Variants in PDZD2 observed in about 807,000 individuals in gnomAD.
PDZD2 encodes the protein PDZ domain-containing protein 2.
In PDZD2, 90 loss-of-function variants were observed where a neutral mutation model predicts 220.7. That is an observed-to-expected ratio of 0.41 (90% CI 0.34 to 0.49). PDZD2 has a LOEUF of 0.49. Ranked by LOEUF, PDZD2 falls within the 20% of genes least tolerant of loss-of-function variation. The pLI, the probability that PDZD2 is intolerant of heterozygous loss-of-function variation, is 0.28. For synonymous variants in PDZD2, 1,375 were observed against 1,450.5 expected (o/e 0.95, Z 1.18); for missense variants, 3,174 against 3,608.5 (o/e 0.88, Z 3.08).
chr5:31,930,274 C>G (rs1384862861), intron 2 of PDZD2, among the ~76,000 whole-genome samples: 1 of 144,460 alleles, frequency 6.9e-6, no homozygotes, highest in Non-Finnish European at 1.5e-5. Context: ...GGCATGATCT[C>G]CGCTTACTGC....
chr5:31,822,139 G>C (rs576687431), intron 2 of PDZD2, among the ~76,000 whole-genome samples: 58 of 152,142 alleles, frequency 3.8e-4, no homozygotes, highest in Admixed American at 7.9e-4. Context: ...ATTGTAAATA[G>C]TGCTGCAATA....
intron 2 of PDZD2, among the ~76,000 whole-genome samples, chr5:31,866,606 A>G (rs1429360567): frequency 6.6e-6 from 1 of 152,168 alleles, no homozygotes. Context: ...AAAAGAAGAG[A>G]AAGGGAAGAC....
intron 2 of PDZD2, among the ~76,000 whole-genome samples, chr5:31,964,290 A>C (rs1222563647): frequency 1.3e-5 from 2 of 152,208 alleles, no homozygotes; most frequent in Non-Finnish European, 2.9e-5. Context: ...ATCTGAGTCC[A>C]TTATCCCATT....
At chr5:32,060,788 A>G (rs1460980356) in intron 13 of PDZD2, among the ~76,000 whole-genome samples, 2 of 152,228 alleles carry the variant, frequency 1.3e-5, no homozygotes, top group African/African-American at 4.8e-5. Context: ...TGAAAATGCC[A>G]GTAAATATGC....
intron 2 of PDZD2, chr5:31,840,874 A>G: frequency 1.5e-6 from 1 of 689,156 alleles, no homozygotes; most frequent in Non-Finnish European, 2.6e-6. Context: ...CCTTTCTTAT[A>G]GATTCACATA....
At chr5:31,914,661 G>T (rs1054344212) in intron 2 of PDZD2, among the ~76,000 whole-genome samples, 2 of 152,192 alleles carry the variant, frequency 1.3e-5, no homozygotes, top group African/African-American at 2.4e-5. Flanking sequence ...GTGAGAAAGG[G>T]TACTCCAATG....
At chr5:32,043,197 C>T (rs368134165) in intron 7 of PDZD2, among the ~76,000 whole-genome samples, 13 of 152,208 alleles carry the variant, frequency 8.5e-5, no homozygotes, top group Admixed American at 4.6e-4. Context: ...GACTCTGCTC[C>T]TACTACTTAA....
intron 2 of PDZD2, among the ~76,000 whole-genome samples, chr5:31,872,662 G>C (rs143279117): frequency 1.3e-3 from 202 of 152,242 alleles, no homozygotes; most frequent in African/African-American, 4.7e-3. Flanking sequence ...TTTAGTTGTG[G>C]AGAAACCATG....
At chr5:31,640,628 A>G (rs1255361702) in intron 1 of PDZD2, among the ~76,000 whole-genome samples, 1 of 151,776 alleles carries the variant, frequency 6.6e-6, no homozygotes, top group Non-Finnish European at 1.5e-5. Flanking sequence ...GGGGCCTGGC[A>G]TCTCTACTGG....
chr5:31,767,570 G>A (rs969794939), intron 1 of PDZD2, among the ~76,000 whole-genome samples: 2 of 152,164 alleles, frequency 1.3e-5, no homozygotes, highest in Non-Finnish European at 2.9e-5. Context: ...CTCATATCTT[G>A]TAGTCATTTC....
At chr5:31,870,370 A>G (rs192474531) in intron 2 of PDZD2, among the ~76,000 whole-genome samples, 107 of 152,244 alleles carry the variant, frequency 7.0e-4, no homozygotes, top group African/African-American at 2.5e-3. Flanking sequence ...AGCGTCTTGC[A>G]ATTATTTTGT....
intron 1 of PDZD2, among the ~76,000 whole-genome samples, chr5:31,717,579 C>T (rs1748529804): frequency 6.6e-6 from 1 of 152,116 alleles, no homozygotes; most frequent in African/African-American, 2.4e-5. Flanking sequence ...AAGTTTGGTG[C>T]ATTCTACCTT....
At chr5:31,649,799 A>G (rs1054457782) in intron 1 of PDZD2, among the ~76,000 whole-genome samples, 16 of 151,978 alleles carry the variant, frequency 1.1e-4, no homozygotes, top group African/African-American at 3.9e-4. Flanking sequence ...TTAGCCAGGC[A>G]TGGTGGCGCG....
At chr5:31,878,840 C>T (rs1195256356) in intron 2 of PDZD2, among the ~76,000 whole-genome samples, 2 of 151,504 alleles carry the variant, frequency 1.3e-5, no homozygotes, top group African/African-American at 2.4e-5. Context: ...GGATTACAGG[C>T]GTGAGCCACC....
intron 2 of PDZD2, among the ~76,000 whole-genome samples, chr5:31,933,563 C>T (rs73751026): frequency 1.0e-3 from 158 of 152,264 alleles, no homozygotes; most frequent in African/African-American, 3.3e-3. Flanking sequence ...TGTCCCTAGG[C>T]TGGGCTTTGT....
chr5:31,989,486 G>A (rs569072674), intron 3 of PDZD2, among the ~76,000 whole-genome samples: 13 of 145,834 alleles, frequency 8.9e-5, no homozygotes, highest in African/African-American at 2.8e-4. Flanking sequence ...GCAGTGGCGC[G>A]ATCTTGGCTC....
chr5:32,108,015 T>A lies in PDZD2; in HGVS notation c.8400T>A (p.Ile2800=), dbSNP rs1446033689. 5 of 1,612,932 alleles carry A rather than the reference T, an allele frequency of 3.1e-6. No individual in the cohort carries two copies. The African/African-American group carries it at 4.0e-5, about 13-fold the overall frequency. Reference sequence around the variant, plus strand: ...GAATAATAGAAGCTGGAGATGAAATTCTTGCTATTAATGGGAAACCTCTGG... The same window carrying A: ...GAATAATAGAAGCTGGAGATGAAATACTTGCTATTAATGGGAAACCTCTGG... The part of the protein sequence containing the change: ...QAGIIEAGDE[I]LAINGKPLVG... The change falls in exon 25 of 25, where the codon ATT becomes ATA. Residue 2800 remains isoleucine, a synonymous_variant. Transcript: ENST00000438447.
intron 1 of PDZD2, among the ~76,000 whole-genome samples, chr5:31,759,197 C>T (rs1751483250): frequency 1.3e-5 from 2 of 151,948 alleles, no homozygotes; most frequent in Non-Finnish European, 2.9e-5. Context: ...GGAGGAACAG[C>T]GTGAACTAGC....
At chr5:31,687,018 C>A (rs1214194482) in intron 1 of PDZD2, among the ~76,000 whole-genome samples, 2 of 152,132 alleles carry the variant, frequency 1.3e-5, no homozygotes, top group African/African-American at 4.8e-5. Flanking sequence ...CCCAACGAGG[C>A]TGTTATAGAC....
Sources: allele counts gnomAD v4.1 joint callset (sites outside exome capture counted in the v4.1 genomes callset), GRCh38; gene constraint gnomAD v4.1.1; transcripts MANE v1.5; gene names NCBI Gene and HGNC (gene_info 2026-07-23, HGNC 2026-07-21).